The following ASIC2 variants were observed in gnomAD, a reference collection of about 807,000 sequenced individuals.
ASIC2 encodes acid sensing ion channel subunit 2.
Under a neutral mutation model 57.3 loss-of-function variants are expected in ASIC2, and 25 were observed. The ratio of observed to expected loss-of-function variants is 0.44; its 90% CI spans 0.32 to 0.61. The LOEUF (loss-of-function observed/expected upper bound fraction) is 0.61. Ranked by LOEUF, ASIC2 falls within the 20% of genes least tolerant of loss-of-function variation. ASIC2 has a pLI of 0.06. For synonymous variants in ASIC2, 319 were observed against 307.5 expected (o/e 1.04, Z -0.39); for missense variants, 641 against 738.1 (o/e 0.87, Z 1.52).
intron 1 of ASIC2, among the ~76,000 whole-genome samples, chr17:33,880,275 T>C (rs1195092253): frequency 2.0e-5 from 3 of 151,788 alleles, no homozygotes; most frequent in South Asian, 2.1e-4. Flanking sequence ...CTGAAGGAAA[T>C]AGAGACACAA....
intron 1 of ASIC2, among the ~76,000 whole-genome samples, chr17:34,125,841 G>A (rs555635815): frequency 1.3e-5 from 2 of 152,274 alleles, no homozygotes; most frequent in African/African-American, 2.4e-5. Flanking sequence ...TGAAACTGAG[G>A]ATCCAGGTAC....
intron 1 of ASIC2, among the ~76,000 whole-genome samples, chr17:33,144,057 A>G (rs1904439475): frequency 6.6e-6 from 1 of 152,110 alleles, no homozygotes; most frequent in African/African-American, 2.4e-5. Flanking sequence ...TAGTCATATT[A>G]TAAGACCCTA....
chr17:34,027,470 A>C (rs1281772183), intron 1 of ASIC2, among the ~76,000 whole-genome samples: 3 of 152,184 alleles, frequency 2.0e-5, no homozygotes, highest in Non-Finnish European at 4.4e-5. Context: ...CTTTGAAAAA[A>C]AAATCCTGAT....
intron 1 of ASIC2, among the ~76,000 whole-genome samples, chr17:34,014,743 G>C (rs1906887222): frequency 1.3e-5 from 2 of 152,178 alleles, no homozygotes; most frequent in African/African-American, 4.8e-5. Flanking sequence ...CTCTGAAATG[G>C]GGACATGGAT....
At chr17:33,307,626 A>G (rs912712522) in intron 1 of ASIC2, among the ~76,000 whole-genome samples, 2 of 152,164 alleles carry the variant, frequency 1.3e-5, no homozygotes, top group African/African-American at 2.4e-5. Context: ...TCATCTTCTT[A>G]GACCTTGCTC....
At chr17:34,041,727 G>A (rs1908141305) in intron 1 of ASIC2, among the ~76,000 whole-genome samples, 1 of 152,200 alleles carries the variant, frequency 6.6e-6, no homozygotes, top group Non-Finnish European at 1.5e-5. Context: ...AAGAAACAAA[G>A]ACTTTTAATG....
intron 1 of ASIC2, among the ~76,000 whole-genome samples, chr17:33,827,235 C>T (rs1912949556): frequency 6.6e-6 from 1 of 151,960 alleles, no homozygotes; most frequent in African/African-American, 2.4e-5. Context: ...TTAAACTGAG[C>T]TTCTCACACA....
At chr17:33,632,208 T>G (rs9907866) in intron 1 of ASIC2, among the ~76,000 whole-genome samples, 45,097 of 152,100 alleles carry the variant, frequency 0.3, 6,849 homozygotes, top group East Asian at 0.42. Flanking sequence ...TGCACGGAAA[T>G]CCCTTGGCTA....
intron 1 of ASIC2, among the ~76,000 whole-genome samples, chr17:33,203,534 G>A (rs1201389717): frequency 3.3e-5 from 5 of 152,158 alleles, no homozygotes; most frequent in Non-Finnish European, 7.4e-5. Flanking sequence ...TCCTCTTGAA[G>A]CGCTGAGGCT....
intron 3 of ASIC2, among the ~76,000 whole-genome samples, chr17:33,034,232 C>T (rs1374770688): frequency 6.6e-6 from 1 of 152,174 alleles, no homozygotes; most frequent in Non-Finnish European, 1.5e-5. Context: ...CTTCATTCTT[C>T]CTGGATGCAG....
intron 1 of ASIC2, among the ~76,000 whole-genome samples, chr17:33,170,383 A>G (rs1388359479): frequency 1.3e-5 from 2 of 152,228 alleles, no homozygotes; most frequent in African/African-American, 2.4e-5. Flanking sequence ...TTGTTTTTAA[A>G]ACAGATCATT....
chr17:33,905,065 C>G (rs1951264642), intron 1 of ASIC2, among the ~76,000 whole-genome samples: 1 of 146,098 alleles, frequency 6.8e-6, no homozygotes, highest in South Asian at 2.2e-4. Context: ...ACAAATGTTT[C>G]TTATGGAATA....
intron 1 of ASIC2, among the ~76,000 whole-genome samples, chr17:33,398,597 G>T (rs1329352476): frequency 6.6e-6 from 1 of 152,144 alleles, no homozygotes; most frequent in Admixed American, 6.5e-5. Flanking sequence ...TGATGATGAT[G>T]ATGATGATGG....
At chr17:33,187,795 A>G (rs970320069) in intron 1 of ASIC2, among the ~76,000 whole-genome samples, 1 of 152,046 alleles carries the variant, frequency 6.6e-6, no homozygotes, top group African/African-American at 2.4e-5. Context: ...AAGTAACTTA[A>G]TTGCATCCCA....
At chr17:33,335,820 A>G (rs1235463859) in intron 1 of ASIC2, among the ~76,000 whole-genome samples, 4 of 152,192 alleles carry the variant, frequency 2.6e-5, no homozygotes, top group African/African-American at 9.6e-5. Context: ...TGGGGCCACA[A>G]GGGTGAATAA....
chr17:33,662,541 T>C (rs1224724866), intron 1 of ASIC2, among the ~76,000 whole-genome samples: 1 of 151,686 alleles, frequency 6.6e-6, no homozygotes, highest in Non-Finnish European at 1.5e-5. Context: ...GAGAATTGCT[T>C]GAACCTGGGA....
At chr17:34,131,598 A>C (rs1180191209) in intron 1 of ASIC2, among the ~76,000 whole-genome samples, 1 of 152,236 alleles carries the variant, frequency 6.6e-6, no homozygotes, top group African/African-American at 2.4e-5. Context: ...CCTGGGGGGA[A>C]GCCAGCTTGT....
Position 34,086,825 on chromosome 17 carries a change from G to C in ASIC2, c.555+69153C>G, listed in dbSNP as rs1262732820. ...TCTTTGTCTCTTTTGATCTTTGTTG[G>C]TTTAAAGTCTGTTTTATCAGAGACT... On this transcript the variant is annotated intron_variant, in intron 1 of 9. Transcript: ENST00000359872. Among the ~76,000 whole-genome samples, 7 of 152,212 alleles carry C rather than the reference G, an allele frequency of 4.6e-5. No individual in the cohort carries two copies. The East Asian group carries it at 1.4e-3, about 29-fold the overall frequency.
chr17:33,371,444 C>T (rs1268444386), intron 1 of ASIC2, among the ~76,000 whole-genome samples: 1 of 152,216 alleles, frequency 6.6e-6, no homozygotes, highest in Non-Finnish European at 1.5e-5. Context: ...GCCCAGGAAG[C>T]CACTGAAAAA....
Sources: allele counts gnomAD v4.1 joint callset (sites outside exome capture counted in the v4.1 genomes callset), GRCh38; gene constraint gnomAD v4.1.1; transcripts MANE v1.5; gene names NCBI Gene and HGNC (gene_info 2026-07-23, HGNC 2026-07-21).